Variants in TRHDE observed in about 807,000 individuals in gnomAD.
TRHDE encodes the protein thyrotropin releasing hormone degrading enzyme.
In TRHDE, 72 loss-of-function variants were observed where a neutral mutation model predicts 125.7. The ratio of observed to expected loss-of-function variants is 0.57; its 90% CI spans 0.47 to 0.70. The LOEUF (loss-of-function observed/expected upper bound fraction) is 0.70. Ranked by LOEUF, TRHDE falls within the 30% of genes least tolerant of loss-of-function variation. The pLI, the probability that TRHDE is intolerant of heterozygous loss-of-function variation, is 0.00. For synonymous variants in TRHDE, 509 were observed against 509.1 expected, an observed-to-expected ratio of 1.00 and a Z score of 0.00; for missense variants, 1,110 against 1,327.1, an observed-to-expected ratio of 0.84 and a Z score of 2.54.
At chr12:72,180,949 G>A (rs190053534) in intron 2 of TRHDE, among the ~76,000 whole-genome samples, 1 of 152,104 alleles carries the variant, frequency 6.6e-6, no homozygotes, top group Non-Finnish European at 1.5e-5. Context: ...CTTTATTTAG[G>A]TCTCTTTATT....
intron 2 of TRHDE, among the ~76,000 whole-genome samples, chr12:72,156,873 T>A (rs1331722291): frequency 1.3e-5 from 2 of 152,214 alleles, no homozygotes; most frequent in Admixed American, 6.5e-5. Flanking sequence ...CAGAAGTCCT[T>A]GCCCTTTTAA....
At chr12:72,383,494 A>G (rs556506499) in intron 3 of TRHDE, among the ~76,000 whole-genome samples, 44 of 147,778 alleles carry the variant, frequency 3.0e-4, no homozygotes, top group African/African-American at 1.1e-3. Context: ...CTCCTGCCTC[A>G]GCCTACCCAG....
chr12:72,180,039 C>T (rs897564488), intron 2 of TRHDE, among the ~76,000 whole-genome samples: 26 of 151,814 alleles, frequency 1.7e-4, no homozygotes, highest in African/African-American at 6.3e-4. Context: ...ATTGATATTA[C>T]TACTAATAAT....
intron 2 of TRHDE, among the ~76,000 whole-genome samples, chr12:72,237,178 A>G (rs1400790287): frequency 6.6e-6 from 1 of 152,240 alleles, no homozygotes; most frequent in Non-Finnish European, 1.5e-5. Context: ...TTCACTTTAC[A>G]TCATGAAAAA....
At chr12:72,334,867 G>A (rs192962468) in intron 2 of TRHDE, among the ~76,000 whole-genome samples, 2 of 152,282 alleles carry the variant, frequency 1.3e-5, no homozygotes, top group Admixed American at 6.5e-5. Context: ...CCCGGGTCAC[G>A]CCAGGCAGGA....
intron 15 of TRHDE, among the ~76,000 whole-genome samples, chr12:72,633,101 T>A (rs1025710124): frequency 3.3e-5 from 5 of 152,014 alleles, no homozygotes; most frequent in Non-Finnish European, 7.4e-5. Context: ...AAAAAGTAAT[T>A]TCATATATAT....
At chr12:72,301,214 C>G (rs2135686985) in intron 2 of TRHDE, among the ~76,000 whole-genome samples, 1 of 152,076 alleles carries the variant, frequency 6.6e-6, no homozygotes, top group African/African-American at 2.4e-5. Flanking sequence ...TCACACATGC[C>G]TAGAATTAAT....
chr12:72,175,966 G>T (rs2730666), intron 2 of TRHDE, among the ~76,000 whole-genome samples: 6,215 of 152,242 alleles, frequency 0.041, 163 homozygotes, highest in Middle Eastern at 0.1. Context: ...CCTATGAAAG[G>T]AAAGAAGAGG....
chr12:72,486,109 C>T (rs1028679665), intron 5 of TRHDE, among the ~76,000 whole-genome samples: 1 of 152,102 alleles, frequency 6.6e-6, no homozygotes, highest in Admixed American at 6.5e-5. Context: ...CCTATTTTCC[C>T]CCAGAGACAT....
intron 1 of TRHDE, among the ~76,000 whole-genome samples, chr12:72,277,767 G>A (rs1879541549): frequency 6.6e-6 from 1 of 152,020 alleles, no homozygotes; most frequent in Non-Finnish European, 1.5e-5. Flanking sequence ...TGTGTTTCCT[G>A]TAGTGCCATT....
chr12:72,638,203 A>G (rs1442615737), intron 15 of TRHDE, among the ~76,000 whole-genome samples: 53 of 147,896 alleles, frequency 3.6e-4, no homozygotes, highest in Non-Finnish European at 6.4e-4. Flanking sequence ...TTGGGTGCAT[A>G]TATATTTAGG....
intron 6 of TRHDE, among the ~76,000 whole-genome samples, chr12:72,526,631 G>A (rs759436025): frequency 4.6e-5 from 7 of 152,036 alleles, no homozygotes; most frequent in Non-Finnish European, 8.8e-5. Context: ...TTACACAAAA[G>A]TGCCTGTCCT....
chr12:72,381,733 GAGAA>G (rs1321817305), intron 3 of TRHDE, among the ~76,000 whole-genome samples: 2 of 152,218 alleles, frequency 1.3e-5, no homozygotes, highest in African/African-American at 4.8e-5. Context: ...GTGATTGTAA[GAGAA>G]AGAGAGGCAT....
intron 2 of TRHDE, among the ~76,000 whole-genome samples, chr12:72,217,315 T>C (rs1405583278): frequency 6.6e-6 from 1 of 152,174 alleles, no homozygotes; most frequent in Non-Finnish European, 1.5e-5. Flanking sequence ...AATACCTCTC[T>C]TTCTAGCCTT....
At chr12:72,648,892 G>T (rs545593118) in intron 15 of TRHDE, among the ~76,000 whole-genome samples, 2 of 152,064 alleles carry the variant, frequency 1.3e-5, no homozygotes, top group South Asian at 4.1e-4. Context: ...ATTGATGAAA[G>T]AAAATAAAGA....
At chr12:72,310,201 T>C (rs1011443498) in intron 2 of TRHDE, among the ~76,000 whole-genome samples, 10 of 152,204 alleles carry the variant, frequency 6.6e-5, no homozygotes, top group African/African-American at 1.9e-4. Context: ...TCTGACTTTC[T>C]TCACCTGTTA....
intron 12 of TRHDE, among the ~76,000 whole-genome samples, chr12:72,614,391 G>GT (rs540156336): frequency 6.9e-6 from 1 of 145,394 alleles, no homozygotes. Context: ...ACTTCCCTGT[G>GT]TTTTTTCCCT....
intron 15 of TRHDE, among the ~76,000 whole-genome samples, chr12:72,643,128 A>G (rs1332328938): frequency 1.3e-5 from 2 of 152,206 alleles, no homozygotes; most frequent in Non-Finnish European, 2.9e-5. Context: ...ATGGATAAAA[A>G]ACATGAGGAG....
intron 15 of TRHDE, among the ~76,000 whole-genome samples, chr12:72,633,879 T>G (rs1324889391): frequency 6.6e-6 from 1 of 152,202 alleles, no homozygotes; most frequent in Non-Finnish European, 1.5e-5. Flanking sequence ...TTCAGTGAGA[T>G]TCTTATTTTT....
Sources: gnomAD v4.1 joint callset for allele counts (sites outside exome capture counted in the v4.1 genomes callset) on GRCh38, gnomAD v4.1.1 for gene constraint, MANE v1.5 for transcripts, NCBI Gene and HGNC (gene_info 2026-07-23, HGNC 2026-07-21) for gene names.